MUCL1: variants seen among roughly 807,000 people sequenced by gnomAD.
MUCL1 encodes the protein mucin-like protein 1.
A neutral mutation model predicts 9.2 loss-of-function variants in MUCL1; 11 were observed. The observed-to-expected ratio is 1.19, with a 90% CI of 0.75 to 1.97. The LOEUF (loss-of-function observed/expected upper bound fraction) is 1.97, where lower values mean the gene tolerates loss of function less well. MUCL1 is among the 30% of genes most tolerant of loss of function. The probability of loss-of-function intolerance (pLI) is 0.00; values close to 1 mark genes in which losing one functional copy is unlikely to be tolerated. For synonymous variants in MUCL1, 48 were observed against 40.5 expected, an observed-to-expected ratio of 1.19 and a Z score of -0.71; for missense variants, 144 against 110.9, an observed-to-expected ratio of 1.30 and a Z score of -1.34.
chr12:54,834,627 ACT>A (rs962241799), upstream of MUCL1, among the ~76,000 whole-genome samples: 4 of 152,026 alleles, frequency 2.6e-5, no homozygotes, highest in South Asian at 4.2e-4. Context: ...CTTAAAATCC[ACT>A]CTCTTAGCAA....
intron 1 of MUCL1, among the ~76,000 whole-genome samples, chr12:54,843,070 T>A (rs1220058627): frequency 6.6e-6 from 1 of 152,210 alleles, no homozygotes; most frequent in Non-Finnish European, 1.5e-5. Context: ...AGCTTAGGTA[T>A]GTACTAGGTT....
At chr12:54,855,364 T>C (rs1482992087) in intron 2 of MUCL1, 2 of 573,302 alleles carry the variant, frequency 3.5e-6, no homozygotes, top group Non-Finnish European at 6.3e-6. Flanking sequence ...ATATATGAAA[T>C]CTAGGCCATA....
Position 54,858,383 on chromosome 12 carries a change from C to A in MUCL1, c.*141C>A. 2.7e-6 allele frequency: 3 copies of A among 1,097,362 alleles called. No homozygotes were observed. Among genetic ancestry groups the A allele is most frequent in the South Asian group, 1.5e-5 (1 of 68,738 alleles). The allele number at this position is 1,097,362 out of a possible 1,614,324, so 68.0% of individuals were successfully genotyped here. A position where few individuals can be genotyped will look rare whatever the true frequency, so the allele number is the denominator to read the frequency against. On this transcript the variant is annotated 3_prime_UTR_variant, in exon 4 of 4. Coordinates refer to ENST00000308796, the MANE Select transcript of MUCL1 (RefSeq NM_058173.3). ...CTTTCAAATAAAAAATAACTATGAGCAACATAAAAATGGTATTTCTTATGG... is the reference window on the plus strand; with the variant it reads ...CTTTCAAATAAAAAATAACTATGAGAAACATAAAAATGGTATTTCTTATGG...
Position 54,856,926 on chromosome 12 carries a change from A to G in MUCL1, c.223+34A>G, listed in dbSNP as rs767732528. On this transcript the variant is annotated intron_variant, in intron 3 of 3. Transcript: ENST00000308796. ...ACTCCTCCATCTGTGTGCTTCCTTTATGTGGCTCCTTGATTCCTTGGGTTC... is the reference window on the plus strand; with the variant it reads ...ACTCCTCCATCTGTGTGCTTCCTTTGTGTGGCTCCTTGATTCCTTGGGTTC... 13 of 1,612,810 alleles carry G rather than the reference A, an allele frequency of 8.1e-6. No individual in the cohort carries two copies. The Admixed American group carries it at 2.0e-4, about 25-fold the overall frequency.
In MUCL1 at chr12:54,846,313, C is replaced by T. The variant is rs377280056; in HGVS notation, c.43+6866C>T. On this transcript the variant is annotated intron_variant, in intron 1 of 3. Coordinates refer to the MUCL1 transcript ENST00000546809. ...GGGGCTAGATCCCAAAAGTGCTCCC[C>T]ATGGCCTCTGCACCTGCCCGTCTGC... Among the ~76,000 whole-genome samples the T allele has an allele frequency of 8.5e-5, 13 of 152,322 alleles. No individual in the cohort carries two copies. The East Asian group carries it at 1.9e-3, about 23-fold the overall frequency.
chr12:54,856,357 C>T (rs568748318), intron 2 of MUCL1, among the ~76,000 whole-genome samples: 150 of 152,288 alleles, frequency 9.8e-4, no homozygotes, highest in African/African-American at 3.5e-3. Flanking sequence ...CTTTACTCAT[C>T]CTCATTCATG....
In MUCL1 at chr12:54,858,289, C is replaced by T. The variant is rs1330021962; in HGVS notation, c.*47C>T. On this transcript the variant is annotated 3_prime_UTR_variant, in exon 4 of 4. Coordinates refer to ENST00000308796, the MANE Select transcript of MUCL1 (RefSeq NM_058173.3). Reference sequence around the variant, plus strand: ...CTGCAATTGGTCACAACTATTCATGCTTCCTGTGATTTCATCCAACTACTT... The same window carrying T: ...CTGCAATTGGTCACAACTATTCATGTTTCCTGTGATTTCATCCAACTACTT... 3 of 1,609,010 alleles carry T rather than the reference C, an allele frequency of 1.9e-6. No homozygotes were observed. The highest frequency in any genetic ancestry group is 8.5e-7 in the Non-Finnish European group (1 of 1,175,762).
At chr12:54,856,705 T>C (rs1868301926) in intron 2 of MUCL1, 65 bp from the exon 3 acceptor site, 2 of 1,550,018 alleles carry the variant, frequency 1.3e-6, no homozygotes, top group Non-Finnish European at 1.7e-6. Context: ...TGTCTACCCC[T>C]GGGTGGGATA....
intron 1 of MUCL1, among the ~76,000 whole-genome samples, chr12:54,848,595 G>C (rs921814985): frequency 2.0e-5 from 3 of 152,056 alleles, no homozygotes; most frequent in African/African-American, 7.3e-5. Flanking sequence ...AATCCTTAAA[G>C]GGATAAACAC....
intron 2 of MUCL1, among the ~76,000 whole-genome samples, chr12:54,856,203 T>C (rs1942874791): frequency 6.6e-6 from 1 of 152,214 alleles, no homozygotes; most frequent in African/African-American, 2.4e-5. Context: ...GAGTCCAAGC[T>C]GCCACAGAGG....
At chr12:54,840,808 G>C (rs897137742) in intron 1 of MUCL1, among the ~76,000 whole-genome samples, 1 of 152,160 alleles carries the variant, frequency 6.6e-6, no homozygotes, top group Non-Finnish European at 1.5e-5. Context: ...GGGAGTAGCA[G>C]GTGGCAGTAA....
upstream of MUCL1, among the ~76,000 whole-genome samples, chr12:54,835,602 G>T (rs1008115325): frequency 3.2e-5 from 2 of 62,286 alleles, no homozygotes; most frequent in East Asian, 9.7e-4. Context: ...TTTTTGATGG[G>T]ATTGTTTTTT....
rs1959187602 is a variant in MUCL1 at position 54,833,154 on chromosome 12, T to TTTTTATGTATG, written n.357+2285_357+2295dup. 2.6e-5 allele frequency among the ~76,000 whole-genome samples: 4 copies of TTTTTATGTATG among 152,244 alleles called. No homozygotes were observed. The South Asian group carries it at 8.3e-4, about 32-fold the overall frequency. On this transcript the variant is annotated intron_variant and non_coding_transcript_variant, in intron 1 of 3. Coordinates refer to the MUCL1 transcript ENST00000547990. ...CCATTCTAGGTCCTTTTTCCTTGGCTTTTTATGTATGTTTTAATAAAGCAT... is the reference window on the plus strand; with the variant it reads ...CCATTCTAGGTCCTTTTTCCTTGGCTTTTTATGTATGTTTTATGTATGTTTTAATAAAGCAT...
intron 1 of MUCL1, among the ~76,000 whole-genome samples, chr12:54,848,865 A>G (rs1472362101): frequency 1.3e-5 from 2 of 152,208 alleles, no homozygotes; most frequent in African/African-American, 4.8e-5. Flanking sequence ...AATACATATT[A>G]AATTAAGTGT....
chr12:54,846,641 C>A (rs12317004), intron 1 of MUCL1, among the ~76,000 whole-genome samples: 68,517 of 151,856 alleles, frequency 0.45, 16,452 homozygotes, highest in East Asian at 0.84. Flanking sequence ...ACTGGAAGTT[C>A]TTTTACTTAA....
chr12:54,852,821 C>T (rs1377250322), upstream of MUCL1, among the ~76,000 whole-genome samples: 3 of 152,124 alleles, frequency 2.0e-5, no homozygotes, highest in Admixed American at 1.3e-4. Flanking sequence ...TAGTATCTGT[C>T]TTTTAAGTCT....
At chr12:54,848,106 CT>C (rs1952391411) in intron 1 of MUCL1, among the ~76,000 whole-genome samples, 2 of 147,318 alleles carry the variant, frequency 1.4e-5, no homozygotes. Flanking sequence ...TTTGTTGAAA[CT>C]CAGCTGTGTG....
chr12:54,854,887 A>G (rs1868287680), intron 1 of MUCL1, among the ~76,000 whole-genome samples: 1 of 152,154 alleles, frequency 6.6e-6, no homozygotes, highest in East Asian at 1.9e-4. Flanking sequence ...AATATGTTCA[A>G]GAAGGTAATC....
chr12:54,856,234 T>C (rs1177746409), intron 2 of MUCL1, among the ~76,000 whole-genome samples: 1 of 151,890 alleles, frequency 6.6e-6, no homozygotes, highest in African/African-American at 2.4e-5. Flanking sequence ...TATGGCTCTT[T>C]TCATTCTAGA....
Sources: gnomAD v4.1 joint callset for allele counts (sites outside exome capture counted in the v4.1 genomes callset) on GRCh38, gnomAD v4.1.1 for gene constraint, MANE v1.5 for transcripts, NCBI Gene and HGNC (gene_info 2026-07-23, HGNC 2026-07-21) for gene names.